Variants in CRACD observed in about 807,000 individuals in gnomAD.
CRACD encodes the protein capping protein-inhibiting regulator of actin dynamics.
A neutral mutation model predicts 106.8 loss-of-function variants in CRACD; 56 were observed. The observed-to-expected ratio is 0.52, with a 90% CI of 0.42 to 0.66. The LOEUF (loss-of-function observed/expected upper bound fraction) is 0.66, where lower values mean the gene tolerates loss of function less well. Among genes scored for constraint, CRACD ranks in the 30% least tolerant of loss-of-function variants. The probability of loss-of-function intolerance (pLI) is 0.00; values close to 1 mark genes in which losing one functional copy is unlikely to be tolerated. For synonymous variants in CRACD, 754 were observed against 670.8 expected (o/e 1.12, Z -1.92); for missense variants, 1,730 against 1,623.2 (o/e 1.07, Z -1.13).
intron 1 of CRACD, among the ~76,000 whole-genome samples, chr4:56,058,226 C>A (rs558866602): frequency 4.9e-4 from 74 of 152,264 alleles, no homozygotes; most frequent in African/African-American, 1.7e-3. Context: ...TGTGCCACCA[C>A]GCCTGGCTAA....
In CRACD at chr4:56,243,254, G is replaced by A. The variant is rs997607146; in HGVS notation, c.-188-29067G>A. Among the ~76,000 whole-genome samples, 8 of 152,322 alleles carry A rather than the reference G, an allele frequency of 5.3e-5. No homozygotes were observed. In the South Asian group the frequency reaches 1.5e-3, roughly 28 times the overall value. ...TCGCTCTCTTCAAGAGTAGGCTGTG[G>A]ATGTGGTGCCTGTGAGGGAGCCTCA... On this transcript the variant is annotated intron_variant, in intron 2 of 10. Transcript: ENST00000682029.
At position 56,088,940 on chromosome 4, in the gene CRACD, G is replaced by T. The variant is rs926838361; in HGVS notation, c.-336+39641G>T. 5.3e-5 allele frequency among the ~76,000 whole-genome samples: 8 copies of T among 152,192 alleles called. No individual in the cohort carries two copies. The East Asian group carries it at 1.5e-3, about 29-fold the overall frequency. On this transcript the variant is annotated intron_variant, in intron 1 of 10. Coordinates refer to ENST00000682029, the MANE Select transcript of CRACD (RefSeq NM_001393381.1). ...AGGTTTCGCCATGTTGGCCAGGCTG[G>T]TCTTGAACTCCTGACCTCAGGTGAA...
intron 1 of CRACD, among the ~76,000 whole-genome samples, chr4:56,173,986 A>T (rs1560471864): frequency 6.6e-6 from 1 of 152,208 alleles, no homozygotes; most frequent in Non-Finnish European, 1.5e-5. Flanking sequence ...GCAACTTGTC[A>T]TGCACTAATT....
intron 3 of CRACD, among the ~76,000 whole-genome samples, chr4:56,286,525 CAAAAAAAAAAA>C (rs61498428): frequency 1.1e-5 from 1 of 89,382 alleles, no homozygotes; most frequent in Non-Finnish European, 2.2e-5. Context: ...GACTCCGTCT[CAAAAAAAAAAA>C]AAAAAAAAAA....
At chr4:56,280,149 G>A (rs1188771580) in intron 3 of CRACD, among the ~76,000 whole-genome samples, 1 of 117,000 alleles carries the variant, frequency 8.5e-6, no homozygotes, top group Admixed American at 9.8e-5. Context: ...GTTGTGGGGT[G>A]GGGGGAGGGG....
At position 56,328,897 on chromosome 4, in the gene CRACD, T is replaced by G. The variant is rs1183506109; in HGVS notation, c.*1093T>G. The stretch of plus-strand genomic sequence containing the variant: ...TTATTGACATTACATGTTTGAAAAT[T>G]CCCTTTGGTCTTTAGGGAAAATAAA... On this transcript the variant is annotated 3_prime_UTR_variant, in exon 11 of 11. Transcript: ENST00000682029. Among the ~76,000 whole-genome samples, 3 of 152,214 alleles carry G rather than the reference T, an allele frequency of 2.0e-5. No homozygotes were observed. The highest frequency in any genetic ancestry group is 4.4e-5 in the Non-Finnish European group (3 of 68,040).
chr4:56,325,740 A>G (rs1746399998), intron 10 of CRACD, among the ~76,000 whole-genome samples: 1 of 152,170 alleles, frequency 6.6e-6, no homozygotes, highest in African/African-American at 2.4e-5. Context: ...TTAATAGGGC[A>G]TCTCTTTTCC....
chr4:56,256,789 A>T (rs1741381900), intron 2 of CRACD, among the ~76,000 whole-genome samples: 1 of 152,194 alleles, frequency 6.6e-6, no homozygotes, highest in East Asian at 1.9e-4. Context: ...CAAAAATAAA[A>T]TTCTAAGTCC....
chr4:56,075,745 G>A (rs914220964), intron 1 of CRACD, among the ~76,000 whole-genome samples: 15 of 152,066 alleles, frequency 9.9e-5, no homozygotes, highest in African/African-American at 3.1e-4. Context: ...GAGGTCTTTC[G>A]TGTCCATGGG....
At chr4:56,146,991 T>A (rs1735408517) in intron 1 of CRACD, among the ~76,000 whole-genome samples, 1 of 152,130 alleles carries the variant, frequency 6.6e-6, no homozygotes, top group Non-Finnish European at 1.5e-5. Flanking sequence ...GTGGGAAATA[T>A]GCGGGAGTGG....
chr4:56,264,724 G>A (rs576448026), intron 2 of CRACD, among the ~76,000 whole-genome samples: 2 of 152,314 alleles, frequency 1.3e-5, no homozygotes, highest in South Asian at 4.1e-4. Context: ...ATTGATTGGG[G>A]AAGTGATAAA....
chr4:56,111,550 ATATAT>A (rs1324221348), intron 1 of CRACD, among the ~76,000 whole-genome samples: 11 of 152,312 alleles, frequency 7.2e-5, no homozygotes, highest in African/African-American at 2.6e-4. Context: ...AACTATATGT[ATATAT>A]TTTTGAGACG....
chr4:56,069,905 GATA>G (rs1193074973), intron 1 of CRACD, among the ~76,000 whole-genome samples: 19 of 152,204 alleles, frequency 1.2e-4, no homozygotes. Context: ...AATTAAATGT[GATA>G]ATGTTTCTAC....
chr4:56,161,233 A>T (rs1168462395), intron 1 of CRACD, among the ~76,000 whole-genome samples: 1 of 152,186 alleles, frequency 6.6e-6, no homozygotes, highest in Non-Finnish European at 1.5e-5. Flanking sequence ...AAAGGACTAA[A>T]ATAATATTTT....
chr4:56,271,846 T>G (rs1038476977), intron 2 of CRACD, among the ~76,000 whole-genome samples: 1 of 152,094 alleles, frequency 6.6e-6, no homozygotes, highest in Non-Finnish European at 1.5e-5. Flanking sequence ...CCAGGCTCAA[T>G]CAATCCTCCA....
chr4:56,269,690 T>C (rs908955312), intron 2 of CRACD, among the ~76,000 whole-genome samples: 1 of 151,328 alleles, frequency 6.6e-6, no homozygotes. Flanking sequence ...CTCAGCCTCC[T>C]GAGTAGCTGG....
At chr4:56,265,401 GGGGTGTGTGTGT>G (rs1236885779) in intron 2 of CRACD, among the ~76,000 whole-genome samples, 2 of 116,250 alleles carry the variant, frequency 1.7e-5, no homozygotes, top group African/African-American at 3.0e-5. Flanking sequence ...GTATAGAGGA[GGGGTGTGTGTGT>G]GTGTGTGTGT....
chr4:56,314,993 G>T lies in CRACD; in HGVS notation c.1491G>T (p.Pro497=), dbSNP rs781581585. ...DTEPLLKQEG[P]VEAAQPPVER... ...AGCCTCTCCTGAAACAAGAGGGGCC[G>T]GTGGAAGCCGCGCAGCCTCCGGTGG... The change falls in exon 8 of 11, where the codon CCG becomes CCT. Residue 497 remains proline, a synonymous_variant. Coordinates refer to ENST00000682029, the MANE Select transcript of CRACD (RefSeq NM_001393381.1). The surrounding 1 kb of genome is among the most constrained non-coding windows in gnomAD (Gnocchi z 4.4). 2.5e-6 allele frequency: 4 copies of T among 1,586,058 alleles called. No individual in the cohort carries two copies. The African/African-American group carries it at 5.4e-5, about 21-fold the overall frequency.
intron 2 of CRACD, among the ~76,000 whole-genome samples, chr4:56,262,709 G>T (rs1419461759): frequency 6.6e-6 from 1 of 152,174 alleles, no homozygotes; most frequent in Non-Finnish European, 1.5e-5. Flanking sequence ...AAGGGTGATT[G>T]CAGGACTGAC....
Sources: allele counts gnomAD v4.1 joint callset (sites outside exome capture counted in the v4.1 genomes callset), GRCh38; gene constraint gnomAD v4.1.1; non-coding constraint Gnocchi (gnomAD v3.1); transcripts MANE v1.5; gene names NCBI Gene and HGNC (gene_info 2026-07-23, HGNC 2026-07-21).